Variants in CCDC148 observed in about 807,000 individuals in gnomAD.
The protein encoded by CCDC148 is coiled-coil domain containing 148, also known as coiled-coil domain-containing protein 148.
Under a neutral mutation model 85.7 loss-of-function variants are expected in CCDC148, and 89 were observed. The observed-to-expected ratio is 1.04, with a 90% CI of 0.87 to 1.24. The LOEUF (loss-of-function observed/expected upper bound fraction) is 1.24. Ranked by LOEUF, CCDC148 falls within the 50% of genes most tolerant of loss-of-function variation. The pLI, the probability that CCDC148 is intolerant of heterozygous loss-of-function variation, is 0.00. For synonymous variants in CCDC148, 230 were observed against 213.9 expected, an observed-to-expected ratio of 1.08 and a Z score of -0.66; for missense variants, 692 against 671.7, an observed-to-expected ratio of 1.03 and a Z score of -0.33.
At chr2:158,306,833 A>T (rs1290138705) in intron 9 of CCDC148, among the ~76,000 whole-genome samples, 1 of 149,238 alleles carries the variant, frequency 6.7e-6, no homozygotes, top group East Asian at 1.9e-4. Context: ...ATAATAATAA[A>T]AAAAAAAAAC....
chr2:158,408,727 T>G (rs1559125889), intron 1 of CCDC148, among the ~76,000 whole-genome samples: 2 of 152,112 alleles, frequency 1.3e-5, no homozygotes, highest in Non-Finnish European at 2.9e-5. Context: ...AATTAACTGA[T>G]TTCATTTCCT....
At chr2:158,224,560 T>C (rs980408778) in intron 10 of CCDC148, among the ~76,000 whole-genome samples, 2 of 152,262 alleles carry the variant, frequency 1.3e-5, no homozygotes, top group East Asian at 3.9e-4. Flanking sequence ...GAGAGAAAGG[T>C]TGGGTTACCC....
intron 10 of CCDC148, among the ~76,000 whole-genome samples, chr2:158,229,878 C>T (rs1687763847): frequency 6.6e-6 from 1 of 151,978 alleles, no homozygotes; most frequent in South Asian, 2.1e-4. Flanking sequence ...AGCATCATAC[C>T]TTTCATTGTT....
Position 158,456,535 on chromosome 2 carries a change from G to A in CCDC148, c.-96C>T, listed in dbSNP as rs1171062904. 1.4e-6 allele frequency: 2 copies of A among 1,472,250 alleles called. No homozygotes were observed. The highest frequency in any genetic ancestry group is 1.3e-5 in the South Asian group (1 of 77,756). 91.2% of individuals were successfully genotyped at this position (1,472,250 alleles called of 1,614,324 possible). On this transcript the variant is annotated 5_prime_UTR_variant, in exon 1 of 14. Coordinates refer to ENST00000283233, the MANE Select transcript of CCDC148 (RefSeq NM_138803.4). Reference sequence around the variant, plus strand: ...TCTCGCCGTCAGGGGTACATCTAAGGGCTCAGCTGTTCCTACCTTTGACGC... The same window carrying A: ...TCTCGCCGTCAGGGGTACATCTAAGAGCTCAGCTGTTCCTACCTTTGACGC...
At chr2:158,372,956 T>C (rs1252565201) in intron 1 of CCDC148, among the ~76,000 whole-genome samples, 1 of 152,092 alleles carries the variant, frequency 6.6e-6, no homozygotes, top group African/African-American at 2.4e-5. Context: ...ATGTAGGTCG[T>C]AATCCTCAGA....
chr2:158,326,459 G>A (rs1326407993), intron 7 of CCDC148, among the ~76,000 whole-genome samples: 1 of 152,068 alleles, frequency 6.6e-6, no homozygotes, highest in East Asian at 1.9e-4. Flanking sequence ...TCTGTTTCAT[G>A]AGTACACGAA....
intron 11 of CCDC148, among the ~76,000 whole-genome samples, chr2:158,204,993 G>A (rs987467784): frequency 5.9e-5 from 9 of 152,114 alleles, no homozygotes; most frequent in African/African-American, 1.7e-4. Context: ...AGAGCTAAGC[G>A]GAGTCCAGCC....
intron 11 of CCDC148, among the ~76,000 whole-genome samples, chr2:158,206,846 G>C (rs1686272730): frequency 6.6e-6 from 1 of 152,152 alleles, no homozygotes; most frequent in Non-Finnish European, 1.5e-5. Context: ...GTGTGTATCA[G>C]TCTTCTTCCC....
chr2:158,426,144 A>C (rs1209120789), intron 1 of CCDC148, among the ~76,000 whole-genome samples: 1 of 124,356 alleles, frequency 8.0e-6, no homozygotes, highest in East Asian at 2.3e-4. Context: ...TAAAGTAGTG[A>C]AAGTAATTAT....
rs541480016 is a variant in CCDC148 at position 158,171,555 on chromosome 2, T to A, written c.*558A>T. 6.6e-6 allele frequency: 1 copy of A among 152,098 alleles called. No homozygotes were observed. The highest frequency in any genetic ancestry group is 2.4e-5 in the African/African-American group (1 of 41,540). 9.4% of individuals were successfully genotyped at this position (152,098 alleles called of 1,614,324 possible). ...TGCTTGAAATGCTATTTCTAATTTCTAATTTATTCTTAAGGGCTAATTTGC... is the reference window on the plus strand; with the variant it reads ...TGCTTGAAATGCTATTTCTAATTTCAAATTTATTCTTAAGGGCTAATTTGC... On this transcript the variant is annotated 3_prime_UTR_variant, in exon 14 of 14. Coordinates refer to ENST00000283233, the MANE Select transcript of CCDC148 (RefSeq NM_138803.4).
chr2:158,384,714 G>T (rs1293520549), intron 1 of CCDC148, among the ~76,000 whole-genome samples: 1 of 151,920 alleles, frequency 6.6e-6, no homozygotes, highest in Non-Finnish European at 1.5e-5. Flanking sequence ...AAAACAAATG[G>T]GTTACAATCT....
intron 1 of CCDC148, among the ~76,000 whole-genome samples, chr2:158,363,817 A>C (rs1684075689): frequency 6.6e-6 from 1 of 152,218 alleles, no homozygotes; most frequent in Non-Finnish European, 1.5e-5. Context: ...TGGCCAGGGC[A>C]ATTAGGCAGG....
intron 10 of CCDC148, among the ~76,000 whole-genome samples, chr2:158,239,341 C>T (rs1048475412): frequency 1.5e-5 from 2 of 130,358 alleles, no homozygotes; most frequent in Non-Finnish European, 3.2e-5. Context: ...TTTCTTAAAA[C>T]TATGTCCTGA....
At chr2:158,270,026 C>T (rs139792563) in intron 9 of CCDC148, among the ~76,000 whole-genome samples, 272 of 152,200 alleles carry the variant, frequency 1.8e-3, no homozygotes, top group African/African-American at 6.1e-3. Context: ...TATTTTTAGG[C>T]ATGTCTTCAA....
At position 158,280,597 on chromosome 2, in the gene CCDC148, C is replaced by T. The variant is rs186953225; in HGVS notation, c.1110+28836G>A. Among the ~76,000 whole-genome samples the T allele has an allele frequency of 5.3e-5, 8 of 152,262 alleles. No individual in the cohort carries two copies. In the South Asian group the frequency reaches 1.4e-3, roughly 28 times the overall value. On this transcript the variant is annotated intron_variant, in intron 9 of 13. Transcript: ENST00000283233. ...GCTAACTATCCTAAATATATATGCACCCAATACAGAAGCACCCAGATTCAT... is the reference window on the plus strand; with the variant it reads ...GCTAACTATCCTAAATATATATGCATCCAATACAGAAGCACCCAGATTCAT...
At chr2:158,241,663 A>G (rs7565724) in intron 10 of CCDC148, among the ~76,000 whole-genome samples, 7,146 of 152,238 alleles carry the variant, frequency 0.047, 579 homozygotes, top group African/African-American at 0.16. Context: ...CTTATTGTGA[A>G]TGTATCTTAC....
rs548835566 is a variant in CCDC148, at chr2:158,331,952, CTT to C, written c.764+6772_764+6773del. ...TACAGCACACTGATGGGTCTTGACT[CTT>C]TATCCAATTTGCCAGTCTGTGTCTT... On this transcript the variant is annotated intron_variant, in intron 7 of 13. Coordinates refer to ENST00000283233, the MANE Select transcript of CCDC148 (RefSeq NM_138803.4). 9.6e-3 allele frequency among the ~76,000 whole-genome samples: 1,461 copies of C among 152,214 alleles called. 19 individuals are homozygous for C. Among genetic ancestry groups the C allele is most frequent in the African/African-American group, 0.033 (1,355 of 41,518 alleles).
At chr2:158,333,153 C>T (rs1338207398) in intron 7 of CCDC148, among the ~76,000 whole-genome samples, 1 of 152,104 alleles carries the variant, frequency 6.6e-6, no homozygotes, top group Non-Finnish European at 1.5e-5. Context: ...CTCTTGTGGG[C>T]ATTTAGTGCT....
At chr2:158,188,120 T>C (rs531541273) in intron 11 of CCDC148, among the ~76,000 whole-genome samples, 1 of 152,122 alleles carries the variant, frequency 6.6e-6, no homozygotes, top group Admixed American at 6.6e-5. Context: ...AGATCATGTC[T>C]GCTCAATTAT....
Sources: gnomAD v4.1 joint callset for allele counts (sites outside exome capture counted in the v4.1 genomes callset) on GRCh38, gnomAD v4.1.1 for gene constraint, MANE v1.5 for transcripts, NCBI Gene and HGNC (gene_info 2026-07-23, HGNC 2026-07-21) for gene names.